The following ANKRD44 variants were observed in gnomAD, a reference collection of about 807,000 sequenced individuals.
ANKRD44 encodes the protein ankyrin repeat domain 44.
Under a neutral mutation model 116.0 loss-of-function variants are expected in ANKRD44, and 35 were observed. That is an observed-to-expected ratio of 0.30 (90% CI 0.23 to 0.40). The LOEUF (loss-of-function observed/expected upper bound fraction) is 0.40, where lower values mean the gene tolerates loss of function less well. Ranked by LOEUF, ANKRD44 falls within the 10% of genes least tolerant of loss-of-function variation. The pLI, the probability that ANKRD44 is intolerant of heterozygous loss-of-function variation, is 1.00. For missense variants in ANKRD44, 1,014 were observed against 1,242.6 expected (o/e 0.82, Z 2.77); for synonymous variants, 435 against 461.8 (o/e 0.94, Z 0.74).
intron 4 of ANKRD44, among the ~76,000 whole-genome samples, chr2:197,132,870 T>C (rs1328102234): frequency 6.6e-6 from 1 of 152,192 alleles, no homozygotes; most frequent in African/African-American, 2.4e-5. Context: ...ATGGCATACA[T>C]TTCAAGGAGC....
At chr2:197,278,001 G>C (rs1376197511) in intron 1 of ANKRD44, among the ~76,000 whole-genome samples, 1 of 152,118 alleles carries the variant, frequency 6.6e-6, no homozygotes, top group Non-Finnish European at 1.5e-5. Context: ...ACACTGCTTC[G>C]ACAGTTCTAG....
chr2:197,073,961 C>T (rs559178208), intron 16 of ANKRD44, among the ~76,000 whole-genome samples: 1 of 152,178 alleles, frequency 6.6e-6, no homozygotes, highest in East Asian at 1.9e-4. Flanking sequence ...GTAAAGCCCC[C>T]AAAATTTTTT....
intron 1 of ANKRD44, among the ~76,000 whole-genome samples, chr2:197,277,824 A>C (rs2083135566): frequency 6.6e-6 from 1 of 152,184 alleles, no homozygotes; most frequent in Admixed American, 6.5e-5. Context: ...GGAAATTATC[A>C]TAATTAGAAG....
chr2:197,035,411 T>G lies in ANKRD44; in HGVS notation c.1651-10144A>C, dbSNP rs2076789877. ...CCAAAAGAGAAAAGTATAGCTGGTG[T>G]GTCTGAGGTAAGCCTCTTTCATGTT... On this transcript the variant is annotated intron_variant, in intron 16 of 27. Transcript: ENST00000282272. 3.3e-5 allele frequency among the ~76,000 whole-genome samples: 5 copies of G among 152,168 alleles called. No homozygotes were observed. In the South Asian group the frequency reaches 1.0e-3, roughly 32 times the overall value.
chr2:197,222,820 A>ATTTT (rs533208791), intron 1 of ANKRD44, among the ~76,000 whole-genome samples: 41 of 146,974 alleles, frequency 2.8e-4, no homozygotes, highest in African/African-American at 9.8e-4. Context: ...TTATTTATTT[A>ATTTT]TTTTTTTTTT....
At chr2:197,202,229 G>A (rs930064172) in intron 1 of ANKRD44, among the ~76,000 whole-genome samples, 7 of 152,206 alleles carry the variant, frequency 4.6e-5, no homozygotes, top group Admixed American at 1.3e-4. Context: ...TGAAGGGAGT[G>A]GAAAGAAATT....
At chr2:197,306,801 A>G (rs2084086783) in intron 1 of ANKRD44, among the ~76,000 whole-genome samples, 1 of 152,154 alleles carries the variant, frequency 6.6e-6, no homozygotes, top group South Asian at 2.1e-4. Context: ...AAGGTAGGTG[A>G]CTCAAGTGTG....
At chr2:197,014,236 G>A (rs924656143) in intron 17 of ANKRD44, among the ~76,000 whole-genome samples, 4 of 152,192 alleles carry the variant, frequency 2.6e-5, no homozygotes, top group African/African-American at 7.2e-5. Context: ...GTGACCTTAG[G>A]TGAGTTTCTT....
chr2:196,989,547 C>T lies in ANKRD44; in HGVS notation c.*44G>A. The T allele has an allele frequency of 6.5e-7, 1 of 1,545,682 alleles. No homozygotes were observed. Among genetic ancestry groups the T allele is most frequent in the Non-Finnish European group, 8.7e-7 (1 of 1,144,616 alleles). On this transcript the variant is annotated 3_prime_UTR_variant, in exon 28 of 28. Transcript: ENST00000282272. The stretch of plus-strand genomic sequence containing the variant: ...ACATATATATATATATACACACGCA[C>T]ACATATATGTGTGCATGTGTATGTG...
At chr2:197,037,311 C>T (rs890786762) in intron 16 of ANKRD44, among the ~76,000 whole-genome samples, 2 of 152,178 alleles carry the variant, frequency 1.3e-5, no homozygotes, top group African/African-American at 2.4e-5. Flanking sequence ...ATATTCTGCA[C>T]CATATCCAAT....
At chr2:197,105,050 G>C (rs1341430047) in intron 9 of ANKRD44, among the ~76,000 whole-genome samples, 2 of 152,182 alleles carry the variant, frequency 1.3e-5, no homozygotes, top group Non-Finnish European at 2.9e-5. Flanking sequence ...AACTTGAATA[G>C]AAATACTGAT....
rs149107038 is a variant in ANKRD44, at chr2:197,186,612, C to CTTTTTTTTTTTT, written c.111+399_111+410dup. ...CCATCACTATGCCCGGCTAATTTTT[C>CTTTTTTTTTTTT]TTTTTTTTTTTTTTTTTTTTTTTTT... On this transcript the variant is annotated intron_variant, in intron 2 of 27. Transcript: ENST00000282272. Among the ~76,000 whole-genome samples the CTTTTTTTTTTTT allele has an allele frequency of 2.2e-3, 110 of 50,796 alleles. 23 individuals carry two copies. The highest frequency in any genetic ancestry group is 3.5e-3 in the Non-Finnish European group (79 of 22,760). 33.3% of individuals were successfully genotyped at this position (50,796 alleles called of 152,430 possible).
At chr2:197,003,751 C>T (rs1316317133) in intron 21 of ANKRD44, among the ~76,000 whole-genome samples, 1 of 152,148 alleles carries the variant, frequency 6.6e-6, no homozygotes, top group Non-Finnish European at 1.5e-5. Context: ...AGCACTCTCA[C>T]TGCATCCTTC....
In ANKRD44 at chr2:197,310,569, G is replaced by GC; in HGVS notation, c.27+8dup. On this transcript the variant is annotated intron_variant, in intron 1 of 27. Transcript: ENST00000282272. Reference sequence around the variant, plus strand: ...GCGCGTCCCGCCCGCCGGCGCCGCCGCCCGCTACCTGGTCGGTGAGTTTGA... The same window carrying GC: ...GCGCGTCCCGCCCGCCGGCGCCGCCGCCCCGCTACCTGGTCGGTGAGTTTGA... 1 of 1,201,950 alleles carries GC rather than the reference G, an allele frequency of 8.3e-7. No homozygotes were observed. The highest frequency in any genetic ancestry group is 5.3e-5 in the East Asian group (1 of 19,014). 74.5% of individuals were successfully genotyped at this position (1,201,950 alleles called of 1,614,324 possible). A position where few individuals can be genotyped will look rare whatever the true frequency, so the allele number is the denominator to read the frequency against.
In ANKRD44 at chr2:197,086,768, A is replaced by C. The variant is rs759807606; in HGVS notation, c.1248-20T>G. ...ACATTACTAGAAAGACAGGGAAAAC[A>C]TCATTAAGATGGAAGAGATCAATTA... On this transcript the variant is annotated intron_variant, in intron 12 of 27. Coordinates refer to ENST00000282272, the MANE Select transcript of ANKRD44 (RefSeq NM_001195144.2). The C allele has an allele frequency of 9.3e-6, 15 of 1,610,656 alleles. No homozygotes were observed. Among genetic ancestry groups the C allele is most frequent in the Non-Finnish European group, 7.6e-6 (9 of 1,177,506 alleles).
At chr2:197,042,968 T>A (rs2076938467) in intron 16 of ANKRD44, among the ~76,000 whole-genome samples, 1 of 152,208 alleles carries the variant, frequency 6.6e-6, no homozygotes, top group Admixed American at 6.5e-5. Context: ...TGCACCAATG[T>A]GGGTGTGTCT....
chr2:197,113,876 A>G (rs1344261044), intron 8 of ANKRD44, among the ~76,000 whole-genome samples: 1 of 152,048 alleles, frequency 6.6e-6, no homozygotes, highest in Non-Finnish European at 1.5e-5. Context: ...TATAGCTGAT[A>G]TTTTTTTCTT....
At position 197,063,591 on chromosome 2, in the gene ANKRD44, T is replaced by C. The variant is rs1330475904; in HGVS notation, c.1650+15112A>G. Among the ~76,000 whole-genome samples, 6 of 152,146 alleles carry C rather than the reference T, an allele frequency of 3.9e-5. No individual in the cohort carries two copies. In the East Asian group the frequency reaches 9.7e-4, roughly 24 times the overall value. On this transcript the variant is annotated intron_variant, in intron 16 of 27. Coordinates refer to ENST00000282272, the MANE Select transcript of ANKRD44 (RefSeq NM_001195144.2). Reference sequence around the variant, plus strand: ...ACGAACGGCTAACTGGAAAAACCAGTGTAGAGAAGTCTTTAAATGACCTGA... The same window carrying C: ...ACGAACGGCTAACTGGAAAAACCAGCGTAGAGAAGTCTTTAAATGACCTGA...
At chr2:196,999,991 T>C (rs1368201473) in intron 23 of ANKRD44, among the ~76,000 whole-genome samples, 2 of 152,136 alleles carry the variant, frequency 1.3e-5, no homozygotes, top group African/African-American at 4.8e-5. Context: ...GATGAGCAAA[T>C]TATAGCATAT....
Sources: allele counts gnomAD v4.1 joint callset (sites outside exome capture counted in the v4.1 genomes callset), GRCh38; gene constraint gnomAD v4.1.1; transcripts MANE v1.5; gene names NCBI Gene and HGNC (gene_info 2026-07-23, HGNC 2026-07-21).